Variants in ELP4 observed in about 807,000 individuals in gnomAD.
The protein encoded by ELP4 is elongator acetyltransferase complex subunit 4.
A neutral mutation model predicts 48.9 loss-of-function variants in ELP4; 51 were observed. The observed-to-expected ratio is 1.04, with a 90% CI of 0.83 to 1.32. The LOEUF is 1.32. Ranked by LOEUF, ELP4 falls within the 40% of genes most tolerant of loss-of-function variation. The pLI, the probability that ELP4 is intolerant of heterozygous loss-of-function variation, is 0.00. For synonymous variants in ELP4, 210 were observed against 189.2 expected (o/e 1.11, Z -0.90); for missense variants, 519 against 514.6 (o/e 1.01, Z -0.08).
chr11:31,557,138 CAT>C (rs1355354832), intron 3 of ELP4, among the ~76,000 whole-genome samples: 16 of 151,890 alleles, frequency 1.1e-4, no homozygotes, highest in African/African-American at 3.9e-4. Context: ...ATACATATAA[CAT>C]GTTAAAATTT....
rs1205215275 is a variant in ELP4, at chr11:31,660,036, G to A, written c.1143+9815G>A. 2.0e-5 allele frequency among the ~76,000 whole-genome samples: 3 copies of A among 151,944 alleles called. No homozygotes were observed. In the East Asian group the frequency reaches 5.8e-4, roughly 29 times the overall value. On this transcript the variant is annotated intron_variant, in intron 9 of 9. Coordinates refer to ENST00000640961, the MANE Select transcript of ELP4 (RefSeq NM_019040.5). ...TGATTGAACTATCTTTGTTTCCAAA[G>A]GCTATTAAAAGCAAAGTTGTATTTA...
At chr11:31,526,461 G>A (rs1956297587) in intron 2 of ELP4, among the ~76,000 whole-genome samples, 1 of 151,920 alleles carries the variant, frequency 6.6e-6, no homozygotes, top group African/African-American at 2.4e-5. Context: ...AGTAATCTCA[G>A]TGGCCTTTTA....
chr11:31,544,431 G>A (rs1281116027), intron 3 of ELP4, among the ~76,000 whole-genome samples: 2 of 152,202 alleles, frequency 1.3e-5, no homozygotes, highest in East Asian at 1.9e-4. Context: ...ACTGCAAGGC[G>A]GCAGTGAGGC....
intron 3 of ELP4, among the ~76,000 whole-genome samples, chr11:31,572,949 A>G (rs1470027253): frequency 6.6e-6 from 1 of 152,194 alleles, no homozygotes; most frequent in African/African-American, 2.4e-5. Context: ...AGAAGGCTGC[A>G]GTGAGCTGTG....
chr11:31,741,012 G>C (rs1947432997), intron 9 of ELP4, among the ~76,000 whole-genome samples: 1 of 152,122 alleles, frequency 6.6e-6, no homozygotes, highest in Admixed American at 6.5e-5. Context: ...GTGACAGACG[G>C]CACCTGGAAA....
chr11:31,639,633 G>A (rs1424666226), intron 7 of ELP4, among the ~76,000 whole-genome samples: 2 of 151,778 alleles, frequency 1.3e-5, no homozygotes, highest in South Asian at 2.1e-4. Context: ...ATTAAGCATA[G>A]TAGTATATGT....
At position 31,787,781 on chromosome 11, in the gene ELP4, A is replaced by G. The variant is rs1052323511; in HGVS notation, c.*4257A>G. Reference sequence around the variant, plus strand: ...TATTAGTATATTTCATGCCGGAGCAATGAATCTCAATTATCTGTTCACAAG... The same window carrying G: ...TATTAGTATATTTCATGCCGGAGCAGTGAATCTCAATTATCTGTTCACAAG... On this transcript the variant is annotated 3_prime_UTR_variant, in exon 10 of 10. Transcript: ENST00000640961. 4.4e-6 allele frequency: 1 copy of G among 227,238 alleles called. No homozygotes were observed. Among genetic ancestry groups the G allele is most frequent in the Non-Finnish European group, 8.8e-6 (1 of 114,196 alleles). The allele number at this position is 227,238 out of a possible 1,614,324, so 14.1% of individuals were successfully genotyped here. A position where few individuals can be genotyped will look rare whatever the true frequency, so the allele number is the denominator to read the frequency against.
intron 2 of ELP4, among the ~76,000 whole-genome samples, chr11:31,532,770 GTTTTTTT>G (rs1166501622): frequency 1.6e-5 from 2 of 123,538 alleles, no homozygotes; most frequent in South Asian, 2.6e-4. Context: ...TTTTTTGTTG[GTTTTTTT>G]TTTTTTTTTT....
At chr11:31,607,300 G>A (rs1439981250) in intron 5 of ELP4, among the ~76,000 whole-genome samples, 10 of 152,068 alleles carry the variant, frequency 6.6e-5, no homozygotes, top group South Asian at 2.1e-4. Context: ...CCTGAGACTC[G>A]GTAATTTATA....
intron 3 of ELP4, among the ~76,000 whole-genome samples, chr11:31,557,655 G>C (rs1232079146): frequency 6.6e-6 from 1 of 151,994 alleles, no homozygotes; most frequent in East Asian, 1.9e-4. Flanking sequence ...AAATGGGACA[G>C]TTATAAGAAT....
At chr11:31,575,128 A>T (rs1957252537) in intron 3 of ELP4, among the ~76,000 whole-genome samples, 1 of 152,238 alleles carries the variant, frequency 6.6e-6, no homozygotes. Flanking sequence ...ATGGCACGAG[A>T]ACTACGTGAA....
intron 9 of ELP4, among the ~76,000 whole-genome samples, chr11:31,771,718 G>A (rs572222351): frequency 2.6e-5 from 4 of 152,288 alleles, no homozygotes; most frequent in South Asian, 2.1e-4. Context: ...AGTGGCTCAC[G>A]CCTGTAATCC....
At chr11:31,583,310 A>G (rs1592137287) in intron 3 of ELP4, among the ~76,000 whole-genome samples, 3 of 152,294 alleles carry the variant, frequency 2.0e-5, no homozygotes, top group East Asian at 1.9e-4. Context: ...TGTTTTCTAC[A>G]TCTCATAGAA....
In ELP4 at chr11:31,675,722, C is replaced by G. The variant is rs531742933; in HGVS notation, c.1143+25501C>G. Among the ~76,000 whole-genome samples the G allele has an allele frequency of 3.9e-5, 6 of 152,280 alleles. No individual in the cohort carries two copies. In the South Asian group the frequency reaches 1.2e-3, roughly 32 times the overall value. On this transcript the variant is annotated intron_variant, in intron 9 of 9. Coordinates refer to ENST00000640961, the MANE Select transcript of ELP4 (RefSeq NM_019040.5). The stretch of plus-strand genomic sequence containing the variant: ...GAAAGAAGTCCCTTCCCTCTAAAAA[C>G]TCTATAGTTATACAATCTTTTTCAG...
intron 3 of ELP4, among the ~76,000 whole-genome samples, chr11:31,579,106 C>T (rs1957339682): frequency 6.6e-6 from 1 of 152,004 alleles, no homozygotes; most frequent in Admixed American, 6.6e-5. Flanking sequence ...AAATCAACCC[C>T]ATCAAAAAGT....
intron 9 of ELP4, among the ~76,000 whole-genome samples, chr11:31,655,082 A>G (rs1945400801): frequency 6.6e-6 from 1 of 152,026 alleles, no homozygotes; most frequent in Non-Finnish European, 1.5e-5. Flanking sequence ...AAATAAACCC[A>G]AATTAACATT....
At chr11:31,569,740 A>T (rs1221748668) in intron 3 of ELP4, among the ~76,000 whole-genome samples, 14 of 152,208 alleles carry the variant, frequency 9.2e-5, no homozygotes, top group Admixed American at 9.2e-4. Context: ...AAAGGAAGAC[A>T]TACAAATGGC....
chr11:31,586,743 C>T (rs1181883470), intron 3 of ELP4, among the ~76,000 whole-genome samples: 1 of 151,706 alleles, frequency 6.6e-6, no homozygotes, highest in African/African-American at 2.4e-5. Flanking sequence ...CTGGGTTCAA[C>T]GCCGTTCTCC....
At chr11:31,632,126 G>A (rs1944873096) in intron 6 of ELP4, 91 bp from the exon 7 acceptor site, 1 of 1,039,232 alleles carries the variant, frequency 9.6e-7, no homozygotes. Context: ...TTGTCTCCCT[G>A]ATGTTATAAA....
Sources: allele counts gnomAD v4.1 joint callset (sites outside exome capture counted in the v4.1 genomes callset), GRCh38; gene constraint gnomAD v4.1.1; transcripts MANE v1.5; gene names NCBI Gene and HGNC (gene_info 2026-07-23, HGNC 2026-07-21).